B3GAT2: variants seen among roughly 807,000 people sequenced by gnomAD.
B3GAT2 encodes the protein beta-1,3-glucuronyltransferase 2.
B3GAT2 carries 26 observed loss-of-function variants against 27.8 expected under a neutral mutation model. The observed-to-expected ratio is 0.93, with a 90% CI of 0.68 to 1.30. The LOEUF is 1.30. B3GAT2 is among the 50% of genes most tolerant of loss of function. The pLI, the probability that B3GAT2 is intolerant of heterozygous loss-of-function variation, is 0.00. For missense variants in B3GAT2, 458 were observed against 459.0 expected (o/e 1.00, Z 0.02); for synonymous variants, 218 against 195.1 (o/e 1.12, Z -0.98).
At chr6:70,950,518 C>A (rs1400531798) in intron 1 of B3GAT2, among the ~76,000 whole-genome samples, 1 of 152,082 alleles carries the variant, frequency 6.6e-6, no homozygotes, top group Non-Finnish European at 1.5e-5. Flanking sequence ...TCAGGACAGT[C>A]AACAATGCAG....
Position 70,859,550 on chromosome 6 carries a change from G to T in B3GAT2, c.*2113C>A. 1.8e-6 allele frequency: 1 copy of T among 558,816 alleles called. No homozygotes were observed. Among genetic ancestry groups the T allele is most frequent in the Non-Finnish European group, 3.0e-6 (1 of 332,370 alleles). The allele number at this position is 558,816 out of a possible 1,614,324, so 34.6% of individuals were successfully genotyped here. On this transcript the variant is annotated 3_prime_UTR_variant, in exon 4 of 4. Transcript: ENST00000230053. ...GAACACAGTCTAACTCTGAGTGTAA[G>T]TTTTAAACCCACTCACTATATGGTA...
At chr6:70,934,370 C>T (rs575464154) in intron 1 of B3GAT2, among the ~76,000 whole-genome samples, 34 of 151,102 alleles carry the variant, frequency 2.3e-4, no homozygotes, top group Non-Finnish European at 3.5e-4. Flanking sequence ...CCCCGCCCCA[C>T]CCCACTTCAC....
intron 2 of B3GAT2, among the ~76,000 whole-genome samples, chr6:70,865,022 A>G (rs1461758945): frequency 6.6e-6 from 1 of 152,224 alleles, no homozygotes; most frequent in Non-Finnish European, 1.5e-5. Flanking sequence ...TGGGGAGGAT[A>G]CACAGTCACC....
intron 2 of B3GAT2, among the ~76,000 whole-genome samples, chr6:70,885,064 G>GT (rs1335334138): frequency 6.6e-6 from 1 of 152,184 alleles, no homozygotes; most frequent in Non-Finnish European, 1.5e-5. Flanking sequence ...ATTTACATGA[G>GT]TAAAATAAAT....
intron 2 of B3GAT2, among the ~76,000 whole-genome samples, chr6:70,868,029 G>A (rs1034641276): frequency 3.3e-5 from 5 of 151,646 alleles, no homozygotes; most frequent in African/African-American, 9.7e-5. Flanking sequence ...CACCATATTA[G>A]CAGACTAAAA....
intron 1 of B3GAT2, among the ~76,000 whole-genome samples, chr6:70,895,907 G>T (rs112536407): frequency 1.3e-5 from 2 of 151,532 alleles, no homozygotes; most frequent in African/African-American, 4.9e-5. Context: ...TTTATCTAAA[G>T]CCTTATCTTT....
chr6:70,864,530 T>C (rs1162235222), intron 2 of B3GAT2, among the ~76,000 whole-genome samples: 1 of 152,138 alleles, frequency 6.6e-6, no homozygotes, highest in Non-Finnish European at 1.5e-5. Context: ...TACCCAAGTG[T>C]TTTTCTATTC....
chr6:70,907,873 G>A (rs1176172407), intron 1 of B3GAT2, among the ~76,000 whole-genome samples: 3 of 152,210 alleles, frequency 2.0e-5, no homozygotes. Flanking sequence ...CTCTGCAGCT[G>A]CCAATATTTA....
chr6:70,893,430 T>C lies in B3GAT2; in HGVS notation c.736+698A>G, dbSNP rs564215158. Among the ~76,000 whole-genome samples the C allele has an allele frequency of 3.3e-5, 5 of 151,074 alleles. No individual in the cohort carries two copies. The South Asian group carries it at 1.1e-3, about 32-fold the overall frequency. ...TTTTTTTTTTTTTTGCCTCTGAGCC[T>C]CATGTTTCAAACTCCATCCTTCCAC... On this transcript the variant is annotated intron_variant, in intron 2 of 3. Transcript: ENST00000230053.
chr6:70,901,305 T>C (rs951926405), intron 1 of B3GAT2, among the ~76,000 whole-genome samples: 9 of 152,220 alleles, frequency 5.9e-5, no homozygotes, highest in African/African-American at 2.2e-4. Flanking sequence ...TATGATGTGA[T>C]GGGAATGACA....
chr6:70,903,522 C>T (rs2150035887), intron 1 of B3GAT2, among the ~76,000 whole-genome samples: 1 of 151,910 alleles, frequency 6.6e-6, no homozygotes, highest in Middle Eastern at 3.4e-3. Context: ...AAAAGACAAC[C>T]CAATTAAAAA....
chr6:70,925,597 G>A (rs1225769039), intron 1 of B3GAT2, among the ~76,000 whole-genome samples: 1 of 152,232 alleles, frequency 6.6e-6, no homozygotes, highest in Non-Finnish European at 1.5e-5. Context: ...AAGACTGGGG[G>A]AGGGGCGTCT....
At chr6:70,880,516 GAGACAGAGTCTC>G (rs1772084802) in intron 2 of B3GAT2, among the ~76,000 whole-genome samples, 1 of 152,062 alleles carries the variant, frequency 6.6e-6, no homozygotes. Flanking sequence ...CTGATTTTTA[GAGACAGAGTCTC>G]ACTCTGTCAC....
intron 1 of B3GAT2, among the ~76,000 whole-genome samples, chr6:70,901,736 C>T (rs1032846533): frequency 2.0e-5 from 3 of 152,146 alleles, no homozygotes; most frequent in South Asian, 4.1e-4. Flanking sequence ...CCAGCTGATG[C>T]TGTCATGGGA....
rs767323855 is a variant in B3GAT2 at position 70,856,722 on chromosome 6, C to G, written c.*4941G>C. ...TATGGGCTTGGGCTTGTAAGTGATC[C>G]TCTTGAATGGCACCATTTTACCTTC... On this transcript the variant is annotated 3_prime_UTR_variant, in exon 4 of 4. Coordinates refer to ENST00000230053, the MANE Select transcript of B3GAT2 (RefSeq NM_080742.3). The G allele has an allele frequency of 7.1e-5, 57 of 804,080 alleles. No homozygotes were observed. Among genetic ancestry groups the G allele is most frequent in the Non-Finnish European group, 1.0e-4 (54 of 530,500 alleles). 49.8% of individuals were successfully genotyped at this position (804,080 alleles called of 1,614,324 possible). A position where few individuals can be genotyped will look rare whatever the true frequency, so the allele number is the denominator to read the frequency against.
intron 2 of B3GAT2, among the ~76,000 whole-genome samples, chr6:70,893,286 A>C (rs1298274451): frequency 6.6e-6 from 1 of 152,204 alleles, no homozygotes; most frequent in African/African-American, 2.4e-5. Context: ...AAATATGCAC[A>C]GAAGATGGGG....
chr6:70,876,126 C>CT (rs1342594812), intron 2 of B3GAT2, among the ~76,000 whole-genome samples: 1 of 152,180 alleles, frequency 6.6e-6, no homozygotes, highest in East Asian at 1.9e-4. Flanking sequence ...AGTCAACATG[C>CT]TTGACATGGC....
At chr6:70,898,119 T>C (rs1278652780) in intron 1 of B3GAT2, among the ~76,000 whole-genome samples, 1 of 152,224 alleles carries the variant, frequency 6.6e-6, no homozygotes, top group Non-Finnish European at 1.5e-5. Flanking sequence ...TCCACATGAA[T>C]TTCAGAGTCA....
At chr6:70,947,966 C>A (rs1188602982) in intron 1 of B3GAT2, among the ~76,000 whole-genome samples, 1 of 151,754 alleles carries the variant, frequency 6.6e-6, no homozygotes, top group African/African-American at 2.4e-5. Flanking sequence ...ATAAACAGAA[C>A]CAAAGACAAA....
Sources: gnomAD v4.1 joint callset for allele counts (sites outside exome capture counted in the v4.1 genomes callset) on GRCh38, gnomAD v4.1.1 for gene constraint, MANE v1.5 for transcripts, NCBI Gene and HGNC (gene_info 2026-07-23, HGNC 2026-07-21) for gene names.